ERMN: variants seen among roughly 807,000 people sequenced by gnomAD.
ERMN encodes the protein ermin.
A neutral mutation model predicts 21.4 loss-of-function variants in ERMN; 17 were observed. The ratio of observed to expected loss-of-function variants is 0.80; its 90% CI spans 0.54 to 1.19. The LOEUF is 1.19. Ranked by LOEUF, ERMN falls within the 50% of genes most tolerant of loss-of-function variation. The pLI is 0.00. For missense variants in ERMN, 348 were observed against 331.6 expected (o/e 1.05, Z -0.38); for synonymous variants, 115 against 111.9 (o/e 1.03, Z -0.17).
intron 2 of ERMN, among the ~76,000 whole-genome samples, chr2:157,322,880 T>C (rs1683949136): frequency 6.6e-6 from 1 of 152,222 alleles, no homozygotes; most frequent in African/African-American, 2.4e-5. Context: ...TTATTTTGTT[T>C]TCCACAAGAA....
At chr2:157,324,187 GC>G (rs1214885371) in intron 2 of ERMN, 1 of 254,336 alleles carries the variant, frequency 3.9e-6, no homozygotes, top group Non-Finnish European at 7.9e-6. Flanking sequence ...CAGGAGAATC[GC>G]TTGAACCCTG....
intron 2 of ERMN, 26 bp downstream of exon 2, chr2:157,324,644 G>T: frequency 6.5e-7 from 1 of 1,537,482 alleles, no homozygotes; most frequent in Non-Finnish European, 9.0e-7. Context: ...AACAATTTCT[G>T]TGTACAAAAC....
In ERMN at chr2:157,321,208, C is replaced by T. The variant is rs1484456536; in HGVS notation, c.*63G>A. ...CTCAAATAAGGCATAGAAATATGCA[C>T]CCTGGGGCAATAGAATTAGCTTTTC... On this transcript the variant is annotated 3_prime_UTR_variant, in exon 3 of 3. Coordinates refer to ENST00000410096, the MANE Select transcript of ERMN (RefSeq NM_020711.3). 2.6e-6 allele frequency: 4 copies of T among 1,554,108 alleles called. No homozygotes were observed. The highest frequency in any genetic ancestry group is 3.5e-6 in the Non-Finnish European group (4 of 1,155,798).
At chr2:157,326,901 A>G (rs1684080893), upstream of ERMN, among the ~76,000 whole-genome samples, 1 of 152,116 alleles carries the variant, frequency 6.6e-6, no homozygotes. Context: ...TAAATAAGCA[A>G]CTGCACAATT....
Position 157,325,781 on chromosome 2 carries a change from C to T in ERMN, c.-139G>A. 1 of 1,519,994 alleles carries T rather than the reference C, an allele frequency of 6.6e-7. No homozygotes were observed. Among genetic ancestry groups the T allele is most frequent in the Non-Finnish European group, 8.8e-7 (1 of 1,138,022 alleles). 94.2% of individuals were successfully genotyped at this position (1,519,994 alleles called of 1,614,324 possible). ...AGAGCACAAATTATTCACTTTAGTA[C>T]ATAATAACAAGGTTCTTTTCCTAAA... On this transcript the variant is annotated 5_prime_UTR_variant, in exon 1 of 3. An upstream start codon of the reference 5' UTR is lost. Coordinates refer to ENST00000410096, the MANE Select transcript of ERMN (RefSeq NM_020711.3).
intron 2 of ERMN, among the ~76,000 whole-genome samples, chr2:157,322,157 A>T (rs1683926458): frequency 6.6e-6 from 1 of 151,752 alleles, no homozygotes; most frequent in Non-Finnish European, 1.5e-5. Context: ...AAAAAAAAAA[A>T]TTCTTGTCTA....
upstream of ERMN, chr2:157,327,709 T>C: frequency 1.9e-6 from 1 of 520,356 alleles, no homozygotes; most frequent in South Asian, 2.4e-5. Flanking sequence ...GTAGAGACAG[T>C]TGTGGCCAGG....
At position 157,320,632 on chromosome 2, in the gene ERMN, A is replaced by C. The variant is rs2105184152; in HGVS notation, c.*639T>G. ...AAAGCATAAAGGCAACATTTAGCAAACAGAATTATCCTGACTGACAATTGC... is the reference window on the plus strand; with the variant it reads ...AAAGCATAAAGGCAACATTTAGCAACCAGAATTATCCTGACTGACAATTGC... On this transcript the variant is annotated 3_prime_UTR_variant, in exon 3 of 3. Coordinates refer to ENST00000410096, the MANE Select transcript of ERMN (RefSeq NM_020711.3). The C allele has an allele frequency of 6.6e-6, 1 of 152,416 alleles. No homozygotes were observed. The highest frequency in any genetic ancestry group is 2.4e-5 in the African/African-American group (1 of 41,598). 9.4% of individuals were successfully genotyped at this position (152,416 alleles called of 1,614,324 possible).
At chr2:157,321,989 T>C (rs369794439) in intron 2 of ERMN, among the ~76,000 whole-genome samples, 198 bp from the exon 3 acceptor site, 1 of 152,216 alleles carries the variant, frequency 6.6e-6, no homozygotes. Context: ...CTGCATTAAA[T>C]ACAGTTAAAT....
chr2:157,324,774 A>T lies in ERMN; in HGVS notation c.242-12T>A. On this transcript the variant is annotated splice_polypyrimidine_tract_variant and intron_variant, in intron 1 of 2. Transcript: ENST00000410096. ...CTCTTCTGGGTTTTCTAGGAAAAAA[A>T]TATAAAATCAGTATTTTAACATTTA... is the stretch of plus-strand genomic sequence containing the variant. 3 of 1,560,612 alleles carry T rather than the reference A, an allele frequency of 1.9e-6. No homozygotes were observed. Among genetic ancestry groups the T allele is most frequent in the Non-Finnish European group, 2.6e-6 (3 of 1,139,260 alleles).
intron 1 of ERMN, chr2:157,325,094 T>C (rs935392127): frequency 9.7e-5 from 49 of 506,736 alleles, no homozygotes; most frequent in Non-Finnish European, 1.5e-4. Flanking sequence ...TCCATAATCA[T>C]AATAAATACA....
rs1329880943 is a variant in ERMN at position 157,320,824 on chromosome 2, T to G, written c.*447A>C. ...TATTGCCAGAGTCTGCAAAATCAAG[T>G]TTAAAAGTAAGAGAGGTTTTAATAC... On this transcript the variant is annotated 3_prime_UTR_variant, in exon 3 of 3. Transcript: ENST00000410096. 1.9e-5 allele frequency: 3 copies of G among 154,720 alleles called. No individual in the cohort carries two copies. Among genetic ancestry groups the G allele is most frequent in the Non-Finnish European group, 4.3e-5 (3 of 69,778 alleles). 9.6% of individuals were successfully genotyped at this position (154,720 alleles called of 1,614,324 possible).
Position 157,324,730 on chromosome 2 carries a change from T to C in ERMN, c.274A>G (p.Lys92Glu). Residue 92 changes from lysine (K) to glutamate (E), a missense_variant, in exon 2 of 3, where the codon AAG becomes GAG. Lys to Glu is a moderately conservative substitution (Grantham distance 56). Transcript: ENST00000410096. Reference protein sequence around the residue: ...NPEEKLFIVHKAITDLSLQET... With the variant: ...NPEEKLFIVHEAITDLSLQET... ...TGGAGAGAAAGATCTGTGATAGCCT[T>C]ATGAACAATAAAGAGTTTCTCTTCT... The C allele has an allele frequency of 1.2e-6, 2 of 1,613,132 alleles. No individual in the cohort carries two copies.
chr2:157,321,086 G>T lies in ERMN; in HGVS notation c.*185C>A. The T allele has an allele frequency of 1.2e-6, 1 of 833,194 alleles. No homozygotes were observed. Among genetic ancestry groups the T allele is most frequent in the Non-Finnish European group, 1.8e-6 (1 of 562,584 alleles). 51.6% of individuals were successfully genotyped at this position (833,194 alleles called of 1,614,324 possible). A position where few individuals can be genotyped will look rare whatever the true frequency, so the allele number is the denominator to read the frequency against. On this transcript the variant is annotated 3_prime_UTR_variant, in exon 3 of 3. Transcript: ENST00000410096. ...CCCAAGAATTTATTTAAAGCTTTTTGATTTGAGGTTATCAGACTGAATTTT... is the reference window on the plus strand; with the variant it reads ...CCCAAGAATTTATTTAAAGCTTTTTTATTTGAGGTTATCAGACTGAATTTT...
rs1683789485 is a variant in ERMN, at chr2:157,318,853, T to C, written c.*2418A>G. ...AAATACCAGCATTTGCACAATAAAT[T>C]AATTCTCCCTCTTCCCTGGTACCAG... On this transcript the variant is annotated 3_prime_UTR_variant, in exon 3 of 3. Coordinates refer to ENST00000410096, the MANE Select transcript of ERMN (RefSeq NM_020711.3). 6.6e-6 allele frequency: 1 copy of C among 152,134 alleles called. No homozygotes were observed. The highest frequency in any genetic ancestry group is 1.5e-5 in the Non-Finnish European group (1 of 68,012). 9.4% of individuals were successfully genotyped at this position (152,134 alleles called of 1,614,324 possible). A position where few individuals can be genotyped will look rare whatever the true frequency, so the allele number is the denominator to read the frequency against.
chr2:157,325,088 T>C (rs894112695), intron 1 of ERMN: 2 of 488,260 alleles, frequency 4.1e-6, no homozygotes, highest in East Asian at 5.1e-5. Flanking sequence ...GGGCTGTCCA[T>C]AATCATAATA....
upstream of ERMN, among the ~76,000 whole-genome samples, chr2:157,326,545 T>C (rs892384158): frequency 2.6e-5 from 4 of 152,216 alleles, no homozygotes; most frequent in African/African-American, 9.7e-5. Context: ...ATACTGATAT[T>C]ACACAATGCT....
intron 2 of ERMN, among the ~76,000 whole-genome samples, chr2:157,323,775 G>A (rs897250372): frequency 2.6e-5 from 4 of 152,052 alleles, no homozygotes; most frequent in African/African-American, 9.7e-5. Context: ...GTGTCTCTTA[G>A]TCTATTAAGT....
upstream of ERMN, chr2:157,327,416 A>C: frequency 1.3e-6 from 1 of 774,692 alleles, no homozygotes; most frequent in Non-Finnish European, 2.4e-6. Flanking sequence ...CGCTCATATC[A>C]CACTTATTAT....
Sources: gnomAD v4.1 joint callset for allele counts (sites outside exome capture counted in the v4.1 genomes callset) on GRCh38, gnomAD v4.1.1 for gene constraint, MANE v1.5 for transcripts, NCBI Gene and HGNC (gene_info 2026-07-23, HGNC 2026-07-21) for gene names.